Variants in GRIK2 observed in about 807,000 individuals in gnomAD.
GRIK2 encodes the protein glutamate receptor ionotropic, kainate 2.
In GRIK2, 32 loss-of-function variants were observed where a neutral mutation model predicts 100.3. That is an observed-to-expected ratio of 0.32 (90% CI 0.24 to 0.43). The LOEUF (loss-of-function observed/expected upper bound fraction) is 0.43. Among genes scored for constraint, GRIK2 ranks in the 20% least tolerant of loss-of-function variants. The probability of loss-of-function intolerance (pLI) is 1.00; values close to 1 mark genes in which losing one functional copy is unlikely to be tolerated. For missense variants in GRIK2, 843 were observed against 1,114.9 expected (o/e 0.76, Z 3.47); for synonymous variants, 417 against 389.4 (o/e 1.07, Z -0.83).
chr6:101,395,355 G>A (rs117678484), intron 1 of GRIK2, among the ~76,000 whole-genome samples: 2,405 of 152,264 alleles, frequency 0.016, 26 homozygotes, highest in Middle Eastern at 0.031. Flanking sequence ...AAGTCAAGTG[G>A]AATCCTTAGT....
intron 7 of GRIK2, among the ~76,000 whole-genome samples, chr6:101,707,590 G>A (rs993487890): frequency 0.042 from 5,322 of 126,912 alleles, 491 homozygotes; most frequent in African/African-American, 0.17. Flanking sequence ...GTGTGTGTGT[G>A]TGTGTATATA....
At chr6:101,541,118 C>T (rs1470121126) in intron 2 of GRIK2, among the ~76,000 whole-genome samples, 1 of 151,926 alleles carries the variant, frequency 6.6e-6, no homozygotes, top group Non-Finnish European at 1.5e-5. Flanking sequence ...TCTATTGCTA[C>T]ATGTCTGTGT....
In GRIK2 at chr6:101,733,424, T is replaced by C. The variant is rs117668470; in HGVS notation, c.951+47071T>C. Among the ~76,000 whole-genome samples, 641 of 152,184 alleles carry C rather than the reference T, an allele frequency of 4.2e-3. 2 individuals are homozygous for C. The highest frequency in any genetic ancestry group is 6.8e-3 in the Non-Finnish European group (465 of 67,982). ...AAGCCCAAATCCTAACAAGGCAAATTTAGGCCTCCTTCATTCTGTCTTTTT... is the reference window on the plus strand; with the variant it reads ...AAGCCCAAATCCTAACAAGGCAAATCTAGGCCTCCTTCATTCTGTCTTTTT... On this transcript the variant is annotated intron_variant, in intron 7 of 16. Transcript: ENST00000369134.
chr6:101,612,741 T>TGTGTGTGTGTG (rs1562260966), intron 2 of GRIK2, among the ~76,000 whole-genome samples: 2 of 151,354 alleles, frequency 1.3e-5, no homozygotes, highest in African/African-American at 4.9e-5. Context: ...TGTGTGTGTG[T>TGTGTGTGTGTG]GTGTGTGTGT....
At chr6:101,928,218 T>A (rs1290145149) in intron 13 of GRIK2, 197 bp from the exon 14 acceptor site, 3 of 580,572 alleles carry the variant, frequency 5.2e-6, no homozygotes, top group Non-Finnish European at 9.2e-6. Context: ...TAAACAAGAA[T>A]GTCCTAAAAG....
rs368897101 is a variant in GRIK2, at chr6:101,626,459, C to T, written c.363C>T (p.Ile121=). ...CATCAGCAAACGCAGTGCAGTCCAT[C>T]TGCAATGCTCTGGGAGTTCCCCACA... is the stretch of plus-strand genomic sequence containing the variant. The part of the protein sequence containing the change: ...HSSSANAVQS[I]CNALGVPHIQ... Residue 121 remains isoleucine, a synonymous_variant, in exon 4 of 17, where the codon ATC becomes ATT. Coordinates refer to ENST00000369134, the MANE Select transcript of GRIK2 (RefSeq NM_021956.5). 6.8e-6 allele frequency: 11 copies of T among 1,613,790 alleles called. No individual in the cohort carries two copies. In the African/African-American group the frequency reaches 1.5e-4, roughly 22 times the overall value.
chr6:101,935,289 A>T (rs1486119956), intron 14 of GRIK2, among the ~76,000 whole-genome samples: 2 of 151,954 alleles, frequency 1.3e-5, no homozygotes, highest in Non-Finnish European at 2.9e-5. Flanking sequence ...AACTAGCCAC[A>T]TAGCTTTTTC....
chr6:102,017,883 A>G (rs1457448207), intron 14 of GRIK2, among the ~76,000 whole-genome samples: 2 of 152,118 alleles, frequency 1.3e-5, no homozygotes, highest in Non-Finnish European at 2.9e-5. Context: ...TTTCTTTATT[A>G]GAATTTCTAT....
chr6:101,413,101 T>C (rs371964710), intron 2 of GRIK2, among the ~76,000 whole-genome samples: 4 of 152,022 alleles, frequency 2.6e-5, no homozygotes, highest in African/African-American at 9.6e-5. Context: ...AGTTTGTGAG[T>C]AAACTGTGGA....
intron 13 of GRIK2, among the ~76,000 whole-genome samples, chr6:101,927,620 TA>T (rs1420252444): frequency 3.3e-5 from 5 of 152,218 alleles, no homozygotes; most frequent in African/African-American, 1.2e-4. Context: ...GAATTAAAAT[TA>T]ATAATAGTCA....
chr6:101,894,889 G>A (rs531855389), intron 12 of GRIK2, among the ~76,000 whole-genome samples: 1 of 151,442 alleles, frequency 6.6e-6, no homozygotes, highest in Non-Finnish European at 1.5e-5. Context: ...AATAACTGAA[G>A]ACCAAACCTA....
At chr6:101,463,383 T>A (rs1256718920) in intron 2 of GRIK2, among the ~76,000 whole-genome samples, 1 of 152,190 alleles carries the variant, frequency 6.6e-6, no homozygotes, top group Admixed American at 6.5e-5. Flanking sequence ...AAAAAAGTAA[T>A]TTTGGTTTTC....
chr6:101,452,486 T>C (rs1292694591), intron 2 of GRIK2, among the ~76,000 whole-genome samples: 1 of 151,658 alleles, frequency 6.6e-6, no homozygotes, highest in Non-Finnish European at 1.5e-5. Flanking sequence ...CTCCAGCATG[T>C]AGCCAGGCTT....
intron 7 of GRIK2, among the ~76,000 whole-genome samples, chr6:101,738,236 TGTCAATTGTAATTGACAATTGTC>T (rs1775794823): frequency 6.6e-6 from 1 of 151,588 alleles, no homozygotes; most frequent in Non-Finnish European, 1.5e-5. Flanking sequence ...AATTGTCAAA[TGTCAATTGTAATTGACAATTGTC>T]AAATGTCAAT....
Position 101,491,202 on chromosome 6 carries a change from C to T in GRIK2, c.115+91810C>T, listed in dbSNP as rs914631991. Among the ~76,000 whole-genome samples the T allele has an allele frequency of 1.9e-4, 28 of 151,046 alleles. 1 individual carries two copies. The East Asian group carries it at 2.2e-3, about 12-fold the overall frequency. Reference sequence around the variant, plus strand: ...TGAATGAGGAAAAGAAGAAGTAAAACGCCTGTCTGTACAAACAAGAAATCA... The same window carrying T: ...TGAATGAGGAAAAGAAGAAGTAAAATGCCTGTCTGTACAAACAAGAAATCA... On this transcript the variant is annotated intron_variant, in intron 2 of 16. Coordinates refer to ENST00000369134, the MANE Select transcript of GRIK2 (RefSeq NM_021956.5).
intron 2 of GRIK2, among the ~76,000 whole-genome samples, chr6:101,475,301 G>A (rs1327208768): frequency 1.3e-5 from 2 of 151,836 alleles, no homozygotes; most frequent in East Asian, 1.9e-4. Flanking sequence ...TGGTGAGCAA[G>A]CACATCACTG....
intron 7 of GRIK2, among the ~76,000 whole-genome samples, chr6:101,764,426 C>G (rs897869860): frequency 1.3e-4 from 20 of 151,916 alleles, no homozygotes; most frequent in African/African-American, 4.6e-4. Flanking sequence ...AAAAGATAAC[C>G]AGCACTCTGT....
rs188193098 is a variant in GRIK2, at chr6:101,772,241, C to A, written c.952-27407C>A. Among the ~76,000 whole-genome samples the A allele has an allele frequency of 7.6e-3, 1,161 of 152,286 alleles. 2 individuals are homozygous for A. Among genetic ancestry groups the A allele is most frequent in the Non-Finnish European group, 0.012 (793 of 68,018 alleles). ...CTTTCCTAATGGCTTCCTCAAAAAGCTTGGGTTTAACTAATGAGCTGAGCT... is the reference window on the plus strand; with the variant it reads ...CTTTCCTAATGGCTTCCTCAAAAAGATTGGGTTTAACTAATGAGCTGAGCT... On this transcript the variant is annotated intron_variant, in intron 7 of 16. Coordinates refer to ENST00000369134, the MANE Select transcript of GRIK2 (RefSeq NM_021956.5).
At chr6:101,906,040 C>T (rs1431834937) in intron 12 of GRIK2, among the ~76,000 whole-genome samples, 5 of 151,364 alleles carry the variant, frequency 3.3e-5, no homozygotes, top group South Asian at 2.1e-4. Flanking sequence ...TATTAAAGTG[C>T]GTTTAGATAT....
Sources: allele counts gnomAD v4.1 joint callset (sites outside exome capture counted in the v4.1 genomes callset), GRCh38; gene constraint gnomAD v4.1.1; transcripts MANE v1.5; gene names NCBI Gene and HGNC (gene_info 2026-07-23, HGNC 2026-07-21).